Variants in PREX1 observed in about 807,000 individuals in gnomAD.
PREX1 encodes the protein phosphatidylinositol 3,4,5-trisphosphate-dependent Rac exchanger 1 protein.
PREX1 carries 41 observed loss-of-function variants against 198.3 expected under a neutral mutation model. The observed-to-expected ratio is 0.21, with a 90% CI of 0.16 to 0.27. The LOEUF (loss-of-function observed/expected upper bound fraction) is 0.27. PREX1 is among the 10% of genes least tolerant of loss of function. The pLI is 1.00. For synonymous variants in PREX1, 843 were observed against 887.2 expected (o/e 0.95, Z 0.89); for missense variants, 1,620 against 2,200.7 (o/e 0.74, Z 5.28).
At chr20:48,839,791 C>T in the PREX1 span, among the ~76,000 whole-genome samples, 1 of 152,184 alleles carries the variant, frequency 6.6e-6, no homozygotes, top group African/African-American at 2.4e-5. Flanking sequence ...CTCCTTGCTC[C>T]TTTCCCTTAT....
chr20:48,742,733 C>T (rs2090087998), intron 3 of PREX1, among the ~76,000 whole-genome samples: 1 of 152,128 alleles, frequency 6.6e-6, no homozygotes, highest in Non-Finnish European at 1.5e-5. Flanking sequence ...CGTCCCCAGC[C>T]CCCCAGCCCT....
chr20:48,848,445 G>A, the PREX1 span, among the ~76,000 whole-genome samples: 2 of 151,572 alleles, frequency 1.3e-5, no homozygotes, highest in African/African-American at 4.9e-5. Context: ...TTTGTAGACA[G>A]AGCATTTTGC....
In PREX1 at chr20:48,632,193, T is replaced by C. The variant is rs2089319837; in HGVS notation, c.4526+84A>G. 2.3e-6 allele frequency: 3 copies of C among 1,308,078 alleles called. No homozygotes were observed. In the East Asian group the frequency reaches 6.9e-5, roughly 30 times the overall value. The allele number at this position is 1,308,078 out of a possible 1,614,324, so 81.0% of individuals were successfully genotyped here. On this transcript the variant is annotated intron_variant, in intron 35 of 39. Coordinates refer to ENST00000371941, the MANE Select transcript of PREX1 (RefSeq NM_020820.4). ...TGCGGCCCACTGCCCATGCTGGGGGTCCGCCTGGCACCTTCCATGCTAATG... is the reference window on the plus strand; with the variant it reads ...TGCGGCCCACTGCCCATGCTGGGGGCCCGCCTGGCACCTTCCATGCTAATG...
intron 1 of PREX1, among the ~76,000 whole-genome samples, chr20:48,776,142 AC>A (rs1954426835): frequency 6.6e-6 from 1 of 151,770 alleles, no homozygotes; most frequent in Admixed American, 6.6e-5. Context: ...GACTCCCCTC[AC>A]CCCCTGAGGC....
chr20:48,751,454 T>G (rs4810872), intron 1 of PREX1, among the ~76,000 whole-genome samples: 2 of 151,930 alleles, frequency 1.3e-5, no homozygotes, highest in Non-Finnish European at 2.9e-5. Flanking sequence ...GGCCACCCAC[T>G]GAGGAACTGC....
intron 16 of PREX1, among the ~76,000 whole-genome samples, chr20:48,658,840 A>T (rs1347340609): frequency 2.0e-5 from 3 of 152,168 alleles, no homozygotes; most frequent in Non-Finnish European, 2.9e-5. Context: ...AATGAAAAAC[A>T]AAACTTCATA....
chr20:48,818,444 T>C (rs543327611), intron 1 of PREX1, among the ~76,000 whole-genome samples: 16 of 152,218 alleles, frequency 1.1e-4, no homozygotes, highest in South Asian at 4.1e-4. Context: ...GGACTGCTTT[T>C]ATGCTAAGTG....
At chr20:48,721,172 CA>C (rs1349201685) in intron 5 of PREX1, among the ~76,000 whole-genome samples, 21 of 152,160 alleles carry the variant, frequency 1.4e-4, no homozygotes, top group Admixed American at 1.4e-3. Flanking sequence ...AATAAGTGAC[CA>C]GGGGTATCTA....
chr20:48,733,838 C>T (rs2090045659), intron 4 of PREX1, among the ~76,000 whole-genome samples: 1 of 152,098 alleles, frequency 6.6e-6, no homozygotes, highest in Non-Finnish European at 1.5e-5. Flanking sequence ...GCAATCTCTG[C>T]CTCTCAGGTT....
intron 39 of PREX1, among the ~76,000 whole-genome samples, chr20:48,627,280 G>A (rs1189929162): frequency 6.6e-6 from 1 of 152,000 alleles, no homozygotes; most frequent in Non-Finnish European, 1.5e-5. Flanking sequence ...GAGAGGGCAT[G>A]GGGCTGAGGG....
At chr20:48,821,002 C>G (rs373375245) in intron 1 of PREX1, among the ~76,000 whole-genome samples, 10 of 152,170 alleles carry the variant, frequency 6.6e-5, no homozygotes, top group African/African-American at 2.4e-4. Flanking sequence ...GAGTTCAATA[C>G]CAGCCTGGTC....
rs529281799 is a variant in PREX1, at chr20:48,684,691, G to A, written c.1335-3356C>T. Among the ~76,000 whole-genome samples the A allele has an allele frequency of 3.3e-5, 5 of 152,052 alleles. No homozygotes were observed. The highest frequency in any genetic ancestry group is 4.2e-4 in the South Asian group (2 of 4,812). On this transcript the variant is annotated intron_variant, in intron 10 of 39. Coordinates refer to ENST00000371941, the MANE Select transcript of PREX1 (RefSeq NM_020820.4). The surrounding 1 kb of genome is among the most constrained non-coding windows in gnomAD (Gnocchi z 4.2). The stretch of plus-strand genomic sequence containing the variant: ...TGGATCCTCATCTCACTCCACTACC[G>A]AGACTCCTCCAGTGGCTTCCCACAG...
In PREX1 at chr20:48,708,835, G is replaced by A. The variant is rs141127548; in HGVS notation, c.622-414C>T. On this transcript the variant is annotated intron_variant, in intron 5 of 39. Transcript: ENST00000371941. ...TAATGAGGAACAGAAAGGAGGCAGTGTGTCTGGGGTGGAATAAACGAGAGA... is the reference window on the plus strand; with the variant it reads ...TAATGAGGAACAGAAAGGAGGCAGTATGTCTGGGGTGGAATAAACGAGAGA... Among the ~76,000 whole-genome samples, 325 of 152,294 alleles carry A rather than the reference G, an allele frequency of 2.1e-3. 1 individual carries two copies. The highest frequency in any genetic ancestry group is 3.3e-3 in the Non-Finnish European group (227 of 68,018).
intron 1 of PREX1, among the ~76,000 whole-genome samples, chr20:48,794,182 T>C (rs2090350360): frequency 6.6e-6 from 1 of 152,134 alleles, no homozygotes; most frequent in South Asian, 2.1e-4. Context: ...CAAGGCCCTG[T>C]CTCTGAGCAC....
chr20:48,885,218 C>A, the PREX1 span, among the ~76,000 whole-genome samples: 3,756 of 152,284 alleles, frequency 0.025, 64 homozygotes, highest in South Asian at 0.054. Flanking sequence ...ACAGATACAG[C>A]CCTGGTACAA....
At chr20:48,768,796 T>C (rs1601124273) in intron 1 of PREX1, among the ~76,000 whole-genome samples, 2 of 150,942 alleles carry the variant, frequency 1.3e-5, no homozygotes, top group East Asian at 1.9e-4. Flanking sequence ...AGAAAAGTCG[T>C]CATTCAAGGC....
intron 6 of PREX1, among the ~76,000 whole-genome samples, chr20:48,704,445 C>T (rs1601087368): frequency 2.6e-5 from 4 of 152,268 alleles, no homozygotes; most frequent in East Asian, 1.9e-4. Context: ...TGGGTGAGGG[C>T]GAGTGAGCAG....
At chr20:48,676,350 G>T in intron 13 of PREX1, 82 bp from the exon 14 acceptor site, 1 of 1,290,794 alleles carries the variant, frequency 7.7e-7, no homozygotes, top group Non-Finnish European at 1.1e-6. Flanking sequence ...CCTGCAGGAC[G>T]TGCCCACGAG....
intron 1 of PREX1, among the ~76,000 whole-genome samples, chr20:48,784,708 G>C (rs1017259703): frequency 6.6e-6 from 1 of 152,140 alleles, no homozygotes; most frequent in South Asian, 2.1e-4. Flanking sequence ...AAGGCAAGTG[G>C]GCGACTGGGC....
Sources: allele counts gnomAD v4.1 joint callset (sites outside exome capture counted in the v4.1 genomes callset), GRCh38; gene constraint gnomAD v4.1.1; non-coding constraint Gnocchi (gnomAD v3.1); transcripts MANE v1.5; gene names NCBI Gene and HGNC (gene_info 2026-07-23, HGNC 2026-07-21).